The following PADI2 variants were observed in gnomAD, a reference collection of about 807,000 sequenced individuals.
The protein encoded by PADI2 is protein-arginine deiminase type-2.
Under a neutral mutation model 81.1 loss-of-function variants are expected in PADI2, and 70 were observed. The observed-to-expected ratio is 0.86, with a 90% confidence interval of 0.71 to 1.05. The LOEUF (loss-of-function observed/expected upper bound fraction) is 1.05. Ranked by LOEUF, PADI2 falls within the 50% of genes least tolerant of loss-of-function variation. The pLI is 0.00. For missense variants in PADI2, 853 were observed against 889.9 expected (o/e 0.96, Z 0.53); for synonymous variants, 338 against 358.0 (o/e 0.94, Z 0.63).
chr1:17,069,262 G>A lies in PADI2; in HGVS notation c.1780C>T (p.Leu594=). 1 of 1,614,038 alleles carries A rather than the reference G, an allele frequency of 6.2e-7. No homozygotes were observed. Among genetic ancestry groups the A allele is most frequent in the South Asian group, 1.1e-5 (1 of 91,084 alleles). ...FFPNMVNMIV[L]DKDLGIPKPF... is the part of the protein sequence containing the mutation. ...TTGGGGATGCCCAGGTCCTTGTCCA[G>A]CACGATCATGTTCACCTGTGACGGG... The change falls in exon 16 of 16, where the codon CTG becomes TTG. Residue 594 remains leucine, a synonymous_variant. Transcript: ENST00000375486.
At chr1:17,081,791 TAAAAA>T (rs2078346449) in intron 10 of PADI2, among the ~76,000 whole-genome samples, 1 of 148,828 alleles carries the variant, frequency 6.7e-6, no homozygotes, top group Admixed American at 6.7e-5. Context: ...TCAGATGACT[TAAAAA>T]CAAACAAACA....
chr1:17,071,171 T>C (rs1016409012), intron 14 of PADI2, among the ~76,000 whole-genome samples: 3 of 152,098 alleles, frequency 2.0e-5, no homozygotes, highest in African/African-American at 4.8e-5. Context: ...TGGTCCTACC[T>C]CCCCAAGTGA....
chr1:17,088,925 A>ACAAAAAAC (rs1553182380), intron 6 of PADI2, among the ~76,000 whole-genome samples: 1 of 83,384 alleles, frequency 1.2e-5, no homozygotes, highest in Non-Finnish European at 2.3e-5. Context: ...AAAAAAAAAA[A>ACAAAAAAC]AAAAAACCAA....
At chr1:17,103,804 G>A (rs1002129079) in intron 2 of PADI2, among the ~76,000 whole-genome samples, 1 of 114,228 alleles carries the variant, frequency 8.8e-6, no homozygotes, top group African/African-American at 3.5e-5. Context: ...AATATAGTAA[G>A]ACCTGTCTCT....
At chr1:17,094,027 G>T (rs955766985) in intron 4 of PADI2, among the ~76,000 whole-genome samples, 6 of 152,098 alleles carry the variant, frequency 3.9e-5, no homozygotes, top group African/African-American at 1.4e-4. Flanking sequence ...AGGTCCCTAG[G>T]GGAGCTCAGG....
In PADI2 at chr1:17,084,879, C is replaced by T. The variant is rs77831975; in HGVS notation, c.835-177G>A. Among the ~76,000 whole-genome samples, 22 of 152,334 alleles carry T rather than the reference C, an allele frequency of 1.4e-4. No individual in the cohort carries two copies. The East Asian group carries it at 1.9e-3, about 13-fold the overall frequency. The stretch of plus-strand genomic sequence containing the variant: ...CAATTCTTTTCTGCCTTCCGACCAC[C>T]GCAGGAGGTAGATACTGCTATGATC... On this transcript the variant is annotated intron_variant, in intron 7 of 15. Transcript: ENST00000375486.
chr1:17,114,773 C>G (rs1379857326), intron 1 of PADI2, among the ~76,000 whole-genome samples: 1 of 152,096 alleles, frequency 6.6e-6, no homozygotes, highest in African/African-American at 2.4e-5. Context: ...TGATGAAAGT[C>G]AGGCTTGTGG....
intron 9 of PADI2, 30 bp downstream of exon 9, chr1:17,083,696 T>G (rs760851985): frequency 7.1e-7 from 1 of 1,412,220 alleles, no homozygotes; most frequent in Non-Finnish European, 1.0e-6. Flanking sequence ...GGGGGCCATG[T>G]CCTTCCCAGC....
intron 13 of PADI2, among the ~76,000 whole-genome samples, chr1:17,073,488 T>C (rs957382218): frequency 1.3e-5 from 2 of 152,054 alleles, no homozygotes; most frequent in African/African-American, 4.8e-5. Flanking sequence ...ATGTATTTAA[T>C]GTCCCGGAAC....
intron 3 of PADI2, among the ~76,000 whole-genome samples, chr1:17,100,800 T>C (rs1931116382): frequency 6.6e-6 from 1 of 151,894 alleles, no homozygotes; most frequent in Admixed American, 6.6e-5. Context: ...TAGCTGGGAC[T>C]ACAGGTGCGT....
rs150557436 is a variant in PADI2 at position 17,074,856 on chromosome 1, C to A, written c.1549G>T (p.Gly517Cys). The A allele has an allele frequency of 1.6e-5, 25 of 1,605,700 alleles. No homozygotes were observed. In the African/African-American group the frequency reaches 3.1e-4, roughly 20 times the overall value. The change falls in exon 13 of 16, where the codon GGC becomes TGC. Residue 517 changes from glycine (G) to cysteine (C), a missense_variant and splice_region_variant. By Grantham distance (159) the Gly-to-Cys change is radical (BLOSUM62 -3). Coordinates refer to ENST00000375486, the MANE Select transcript of PADI2 (RefSeq NM_007365.3). ...CTGTCAAGGCCCTGTGGCCACTCACCTTTGAACATGATGGCCTCTCCATGG... is the reference window on the plus strand; with the variant it reads ...CTGTCAAGGCCCTGTGGCCACTCACATTTGAACATGATGGCCTCTCCATGG... ...DGHGEAIMFKGLGGMSSKRIT... is the reference protein window; with the variant it reads ...DGHGEAIMFKCLGGMSSKRIT...
At position 17,071,434 on chromosome 1, in the gene PADI2, C is replaced by A. The variant is rs957376792; in HGVS notation, c.1607G>T (p.Ser536Ile). ...GAAGTACAGGTTCTCCTGCACAAGG[C>A]TCTCGTTGGACAGAATCTTGTTGAT... ...ITINKILSNE[S>I]LVQENLYFQR... The change falls in exon 14 of 16, where the codon AGC becomes ATC. Residue 536 changes from serine to isoleucine, a missense_variant. Coordinates refer to ENST00000375486, the MANE Select transcript of PADI2 (RefSeq NM_007365.3). 6.2e-7 allele frequency: 1 copy of A among 1,613,976 alleles called. No homozygotes were observed. Among genetic ancestry groups the A allele is most frequent in the Non-Finnish European group, 8.5e-7 (1 of 1,179,912 alleles).
At position 17,115,547 on chromosome 1, in the gene PADI2, C is replaced by T. The variant is rs919293326; in HGVS notation, c.92+3733G>A. Reference sequence around the variant, plus strand: ...GACCACCCTGCTACCTACTTTACTCCGAGGCTGCCCTGTCCCTAATAATCC... The same window carrying T: ...GACCACCCTGCTACCTACTTTACTCTGAGGCTGCCCTGTCCCTAATAATCC... On this transcript the variant is annotated intron_variant, in intron 1 of 15. Transcript: ENST00000375486. This position sits in a 1 kb window ranked among gnomAD's most constrained non-coding sequence, Gnocchi z 4.1. 1.1e-4 allele frequency among the ~76,000 whole-genome samples: 17 copies of T among 152,228 alleles called. No individual in the cohort carries two copies. The highest frequency in any genetic ancestry group is 6.2e-4 in the South Asian group (3 of 4,832).
chr1:17,090,581 TTGTGTGTGTGTG>T (rs3036949), intron 6 of PADI2, among the ~76,000 whole-genome samples: 12 of 142,854 alleles, frequency 8.4e-5, no homozygotes, highest in Non-Finnish European at 1.7e-4. Flanking sequence ...CGTCCTTTGC[TTGTGTGTGTGTG>T]TGTGTGTGTG....
At chr1:17,082,904 TC>T (rs1007317777) in intron 9 of PADI2, 8 of 386,486 alleles carry the variant, frequency 2.1e-5, no homozygotes, top group African/African-American at 1.7e-4. Flanking sequence ...AGGGTCTCAC[TC>T]TGTTGCCCAG....
intron 1 of PADI2, among the ~76,000 whole-genome samples, chr1:17,108,970 A>T (rs1569592698): frequency 6.6e-6 from 1 of 152,098 alleles, no homozygotes; most frequent in East Asian, 1.9e-4. Context: ...TGGGCCAGGG[A>T]CTTTCCCTCT....
chr1:17,071,786 C>T (rs897918335), intron 13 of PADI2, among the ~76,000 whole-genome samples: 17 of 152,158 alleles, frequency 1.1e-4, no homozygotes, highest in African/African-American at 4.1e-4. Flanking sequence ...CTACAAGTAG[C>T]CCCCTGGTTC....
intron 1 of PADI2, among the ~76,000 whole-genome samples, chr1:17,106,784 G>A (rs1302477238): frequency 9.0e-6 from 1 of 110,628 alleles, no homozygotes; most frequent in Non-Finnish European, 2.0e-5. Flanking sequence ...TGAGAGAGGA[G>A]GAGGAGGAGG....
intron 3 of PADI2, among the ~76,000 whole-genome samples, chr1:17,097,552 C>T (rs1053337012): frequency 3.3e-5 from 5 of 152,156 alleles, no homozygotes; most frequent in African/African-American, 7.2e-5. Context: ...GCTACTGCTC[C>T]GGGAGCTGTA....
Sources: allele counts gnomAD v4.1 joint callset (sites outside exome capture counted in the v4.1 genomes callset), GRCh38; gene constraint gnomAD v4.1.1; non-coding constraint Gnocchi (gnomAD v3.1); transcripts MANE v1.5; gene names NCBI Gene and HGNC (gene_info 2026-07-23, HGNC 2026-07-21).